Variants in DAB1 observed in about 807,000 individuals in gnomAD.
DAB1 encodes DAB adaptor protein 1.
Under a neutral mutation model 64.6 loss-of-function variants are expected in DAB1, and 15 were observed. The observed-to-expected ratio is 0.23, with a 90% CI of 0.16 to 0.36. The LOEUF (loss-of-function observed/expected upper bound fraction) is 0.36, where lower values mean the gene tolerates loss of function less well. DAB1 is among the 10% of genes least tolerant of loss of function. The pLI, the probability that DAB1 is intolerant of heterozygous loss-of-function variation, is 1.00. For synonymous variants in DAB1, 235 were observed against 251.9 expected (o/e 0.93, Z 0.64); for missense variants, 596 against 706.7 (o/e 0.84, Z 1.78).
chr1:57,510,067 T>A (rs1480184096), intron 7 of DAB1, among the ~76,000 whole-genome samples: 1 of 152,226 alleles, frequency 6.6e-6, no homozygotes, highest in East Asian at 1.9e-4. Context: ...CCCACCTTCA[T>A]AATTCACAAA....
chr1:57,431,759 AT>A (rs1231731319), intron 7 of DAB1, among the ~76,000 whole-genome samples: 2 of 152,074 alleles, frequency 1.3e-5, no homozygotes, highest in Non-Finnish European at 2.9e-5. Context: ...CAAACCTCCA[AT>A]TTTTTTCACT....
At chr1:57,795,368 AGTATTCT>A (rs1019327147) in intron 6 of DAB1, among the ~76,000 whole-genome samples, 2 of 152,028 alleles carry the variant, frequency 1.3e-5, no homozygotes, top group Non-Finnish European at 2.9e-5. Context: ...ATAGGGAACT[AGTATTCT>A]GTAAAACATG....
In DAB1 at chr1:58,231,988, T is replaced by C. The variant is rs139930274; in HGVS notation, n.310-81400A>G. On this transcript the variant is annotated intron_variant and non_coding_transcript_variant, in intron 4 of 20. Transcript: ENST00000485760. ...GAGGCAGAGTTTAGATTCAAATCCA[T>C]GTTTGTCTAACTCTAAACCCATGCT... Among the ~76,000 whole-genome samples, 1,265 of 152,320 alleles carry C rather than the reference T, an allele frequency of 8.3e-3. 9 individuals are homozygous for C. Among genetic ancestry groups the C allele is most frequent in the Non-Finnish European group, 0.013 (851 of 68,030 alleles).
chr1:58,104,406 C>T (rs2100638399), intron 5 of DAB1, among the ~76,000 whole-genome samples: 1 of 152,328 alleles, frequency 6.6e-6, no homozygotes, highest in African/African-American at 2.4e-5. Flanking sequence ...GAAATGAAAT[C>T]ACTGGTGAAA....
intron 4 of DAB1, among the ~76,000 whole-genome samples, chr1:58,186,864 G>C (rs887822363): frequency 1.3e-5 from 2 of 152,174 alleles, no homozygotes; most frequent in African/African-American, 4.8e-5. Context: ...GATCATGGCA[G>C]AGGACCAAGA....
Position 58,006,341 on chromosome 1 carries a change from A to G in DAB1, n.388-122179T>C, listed in dbSNP as rs1197684848. Among the ~76,000 whole-genome samples the G allele has an allele frequency of 2.0e-5, 3 of 152,148 alleles. No individual in the cohort carries two copies. The East Asian group carries it at 5.8e-4, about 29-fold the overall frequency. On this transcript the variant is annotated intron_variant and non_coding_transcript_variant, in intron 5 of 20. Transcript: ENST00000485760. ...AAAGCAGAAGGGAATAGAATCATTA[A>G]TCTTAGAGAATTGTTGAGAGGATTA...
intron 4 of DAB1, among the ~76,000 whole-genome samples, chr1:57,125,728 G>A (rs1323872647): frequency 1.3e-5 from 2 of 152,070 alleles, no homozygotes; most frequent in African/African-American, 4.8e-5. Flanking sequence ...TCTACTCATC[G>A]ACAAATTGAA....
At chr1:57,934,161 G>A (rs1163086082) in intron 5 of DAB1, among the ~76,000 whole-genome samples, 3 of 151,002 alleles carry the variant, frequency 2.0e-5, no homozygotes, top group African/African-American at 4.9e-5. Flanking sequence ...CCCTGACCTC[G>A]TGATCCACCC....
rs180888686 is a variant in DAB1, at chr1:57,440,732, C to T, written n.626-149566G>A. ...GCATTGCTGTTCTCCAGGGAATATC[C>T]ACAGGGTAATCAGAAGTCCAGAGTC... is the stretch of plus-strand genomic sequence containing the variant. On this transcript the variant is annotated intron_variant and non_coding_transcript_variant, in intron 7 of 20. Transcript: ENST00000485760. Among the ~76,000 whole-genome samples the T allele has an allele frequency of 1.4e-4, 22 of 152,250 alleles. No homozygotes were observed. In the East Asian group the frequency reaches 4.2e-3, roughly 29 times the overall value.
At chr1:58,425,003 T>A (rs1322161913) in intron 3 of DAB1, among the ~76,000 whole-genome samples, 2 of 152,210 alleles carry the variant, frequency 1.3e-5, no homozygotes, top group Non-Finnish European at 2.9e-5. Flanking sequence ...ATTAAGCATA[T>A]GGCTCCGTAA....
intron 5 of DAB1, among the ~76,000 whole-genome samples, chr1:57,914,907 T>C (rs1644703387): frequency 6.6e-6 from 1 of 152,282 alleles, no homozygotes; most frequent in South Asian, 2.1e-4. Flanking sequence ...GTTCTTAAGG[T>C]GATTTTAGCA....
At chr1:57,890,209 G>A (rs1027560327) in intron 5 of DAB1, among the ~76,000 whole-genome samples, 1 of 152,044 alleles carries the variant, frequency 6.6e-6, no homozygotes, top group Non-Finnish European at 1.5e-5. Flanking sequence ...ACGAGAGTTT[G>A]GACAACAGCC....
rs147440634 is a variant in DAB1 at position 58,043,276 on chromosome 1, G to A, written n.387+107235C>T. Among the ~76,000 whole-genome samples, 538 of 152,232 alleles carry A rather than the reference G, an allele frequency of 3.5e-3. 5 individuals carry two copies. The highest frequency in any genetic ancestry group is 0.012 in the African/African-American group (518 of 41,526). ...TTATCAACATGAAAGGTACATCACA[G>A]TGCCTACATAAATGGGTCAAGTAAT... On this transcript the variant is annotated intron_variant and non_coding_transcript_variant, in intron 5 of 20. Transcript: ENST00000485760.
chr1:58,154,491 A>G (rs527888888), intron 4 of DAB1, among the ~76,000 whole-genome samples: 1 of 151,646 alleles, frequency 6.6e-6, no homozygotes, highest in East Asian at 1.9e-4. Context: ...TTCATTAGCA[A>G]TGTGCTAGGA....
chr1:57,998,401 T>C (rs968269467), intron 5 of DAB1, among the ~76,000 whole-genome samples: 1 of 151,152 alleles, frequency 6.6e-6, no homozygotes, highest in Non-Finnish European at 1.5e-5. Flanking sequence ...TTTTTTTTTT[T>C]TTTTTTTGAG....
intron 3 of DAB1, among the ~76,000 whole-genome samples, chr1:58,371,485 C>T (rs968678625): frequency 3.3e-5 from 5 of 152,126 alleles, no homozygotes; most frequent in African/African-American, 7.2e-5. Context: ...AAATATGCAG[C>T]CTGACCATAT....
At position 57,435,118 on chromosome 1, in the gene DAB1, G is replaced by A. The variant is rs565766121; in HGVS notation, n.626-143952C>T. On this transcript the variant is annotated intron_variant and non_coding_transcript_variant, in intron 7 of 20. Coordinates refer to the DAB1 transcript ENST00000485760. ...GGCTGGAGCGTAGTGGCATGATCTC[G>A]GCTCACTGCAGCCTCTGTCTCCCAG... Among the ~76,000 whole-genome samples, 293 of 139,972 alleles carry A rather than the reference G, an allele frequency of 2.1e-3. 1 individual carries two copies. Among genetic ancestry groups the A allele is most frequent in the Non-Finnish European group, 3.7e-3 (247 of 66,524 alleles). 91.8% of individuals were successfully genotyped at this position (139,972 alleles called of 152,430 possible).
At chr1:58,164,489 A>T (rs901814303) in intron 4 of DAB1, among the ~76,000 whole-genome samples, 1 of 152,238 alleles carries the variant, frequency 6.6e-6, no homozygotes, top group Non-Finnish European at 1.5e-5. Context: ...CATTTAATGC[A>T]AAGGCTTTTC....
At chr1:57,672,325 A>G (rs1646518974) in intron 6 of DAB1, among the ~76,000 whole-genome samples, 1 of 152,218 alleles carries the variant, frequency 6.6e-6, no homozygotes, top group Non-Finnish European at 1.5e-5. Flanking sequence ...TAAGAATGGT[A>G]TGTAGTTAAT....
Sources: gnomAD v4.1 joint callset for allele counts (sites outside exome capture counted in the v4.1 genomes callset) on GRCh38, gnomAD v4.1.1 for gene constraint, MANE v1.5 for transcripts, NCBI Gene and HGNC (gene_info 2026-07-23, HGNC 2026-07-21) for gene names.